Variants in ZCWPW1 observed in about 807,000 individuals in gnomAD.
The protein encoded by ZCWPW1 is zinc finger CW-type PWWP domain protein 1.
Under a neutral mutation model 81.3 loss-of-function variants are expected in ZCWPW1, and 56 were observed. The ratio of observed to expected loss-of-function variants is 0.69; its 90% confidence interval spans 0.56 to 0.86. ZCWPW1 has a LOEUF of 0.86. ZCWPW1 is among the 40% of genes least tolerant of loss of function. ZCWPW1 has a pLI of 0.00. For missense variants in ZCWPW1, 650 were observed against 769.8 expected, an observed-to-expected ratio of 0.84 and a Z score of 1.84; for synonymous variants, 250 against 273.7, an observed-to-expected ratio of 0.91 and a Z score of 0.86.
intron 8 of ZCWPW1, among the ~76,000 whole-genome samples, chr7:100,412,644 C>T (rs1303804052): frequency 6.6e-6 from 1 of 151,802 alleles, no homozygotes; most frequent in Non-Finnish European, 1.5e-5. Context: ...TGCAGTGGCA[C>T]GATCTCCACT....
chr7:100,419,051 C>T, intron 5 of ZCWPW1, 60 bp downstream of exon 5: 1 of 1,375,768 alleles, frequency 7.3e-7, no homozygotes, highest in South Asian at 1.2e-5. Flanking sequence ...ACTTAACTCT[C>T]CCTCTCAGGT....
chr7:100,427,719 C>G (rs952865374), intron 1 of ZCWPW1, among the ~76,000 whole-genome samples: 2 of 151,312 alleles, frequency 1.3e-5, no homozygotes, highest in Non-Finnish European at 2.9e-5. Flanking sequence ...AAAAAAAGCC[C>G]CAATTCCAAA....
At chr7:100,416,620 G>A (rs1795265358) in intron 6 of ZCWPW1, among the ~76,000 whole-genome samples, 164 bp from the exon 7 acceptor site, 1 of 152,128 alleles carries the variant, frequency 6.6e-6, no homozygotes, top group African/African-American at 2.4e-5. Flanking sequence ...AACTCAAACA[G>A]GTATCTTTCC....
intron 9 of ZCWPW1, among the ~76,000 whole-genome samples, 198 bp downstream of exon 9, chr7:100,409,230 C>A (rs1263549778): frequency 1.3e-5 from 2 of 152,146 alleles, no homozygotes; most frequent in Non-Finnish European, 2.9e-5. Context: ...AACAAGATCA[C>A]TTTACAGGGC....
intron 1 of ZCWPW1, 25 bp from the exon 2 acceptor site, chr7:100,425,161 AAT>A (rs1360979151): frequency 2.0e-5 from 3 of 152,240 alleles, no homozygotes; most frequent in African/African-American, 7.2e-5. Flanking sequence ...GAGAGAAAAA[AAT>A]ATAGACAGTT....
intron 12 of ZCWPW1, among the ~76,000 whole-genome samples, chr7:100,406,275 G>A (rs1393841560): frequency 6.6e-6 from 1 of 152,124 alleles, no homozygotes; most frequent in African/African-American, 2.4e-5. Context: ...GGAGGTGGGG[G>A]CTGCTGCTGG....
At chr7:100,401,357 G>A in intron 17 of ZCWPW1, 21 bp from the exon 18 acceptor site, 7 of 1,519,210 alleles carry the variant, frequency 4.6e-6, no homozygotes, top group Non-Finnish European at 4.4e-6. Flanking sequence ...AGGTGACAAA[G>A]CCAAGAGTCC....
At chr7:100,419,072 G>A in intron 5 of ZCWPW1, 39 bp downstream of exon 5, 1 of 1,552,350 alleles carries the variant, frequency 6.4e-7, no homozygotes, top group Non-Finnish European at 8.9e-7. Flanking sequence ...AACAGTCACT[G>A]CTTAACTGAA....
At chr7:100,409,015 A>G (rs1793637636) in intron 9 of ZCWPW1, among the ~76,000 whole-genome samples, 1 of 152,150 alleles carries the variant, frequency 6.6e-6, no homozygotes, top group Non-Finnish European at 1.5e-5. Flanking sequence ...TCTCATCTGT[A>G]AAATAATTGG....
intron 11 of ZCWPW1, 83 bp downstream of exon 11, chr7:100,407,145 G>T (rs1220669396): frequency 3.8e-6 from 5 of 1,302,806 alleles, no homozygotes; most frequent in Non-Finnish European, 5.5e-6. Context: ...CTATGTCCAT[G>T]TCTCTTATCT....
chr7:100,426,192 G>T (rs1381110298), intron 1 of ZCWPW1, among the ~76,000 whole-genome samples: 1 of 152,112 alleles, frequency 6.6e-6, no homozygotes, highest in Non-Finnish European at 1.5e-5. Flanking sequence ...CAAAAAAGCG[G>T]TATTTAAAGA....
intron 9 of ZCWPW1, among the ~76,000 whole-genome samples, chr7:100,408,867 A>G (rs1563134666): frequency 6.7e-6 from 1 of 149,438 alleles, no homozygotes; most frequent in Non-Finnish European, 1.5e-5. Flanking sequence ...AACCAGCTGA[A>G]ATGCAGCTGG....
chr7:100,408,848 TGC>T lies in ZCWPW1; in HGVS notation c.872-191_872-190del, dbSNP rs1249867120. 8.5e-3 allele frequency among the ~76,000 whole-genome samples: 1,297 copies of T among 151,998 alleles called. 15 individuals are homozygous for T. Among genetic ancestry groups the T allele is most frequent in the African/African-American group, 0.029 (1,214 of 41,438 alleles). On this transcript the variant is annotated intron_variant, in intron 9 of 17. Transcript: ENST00000684423. ...GAAATGCAGCTGGAACCAGCTGAAA[TGC>T]AGCTGGAACCAGCTGAAATGCAGCT...
rs533276945 is a variant in ZCWPW1 at position 100,426,332 on chromosome 7, A to G, written c.-136-1196T>C. On this transcript the variant is annotated intron_variant, in intron 1 of 17. Transcript: ENST00000684423. ...AACATGGTGAAGCCCCATCTCTACTAAAATACAAAAATTAGCCAGCGTGGT... is the reference window on the plus strand; with the variant it reads ...AACATGGTGAAGCCCCATCTCTACTGAAATACAAAAATTAGCCAGCGTGGT... 6.6e-5 allele frequency among the ~76,000 whole-genome samples: 10 copies of G among 152,122 alleles called. No individual in the cohort carries two copies. In the South Asian group the frequency reaches 2.1e-3, roughly 32 times the overall value.
At chr7:100,416,966 ATATG>A in intron 6 of ZCWPW1, 96 bp downstream of exon 6, 1 of 967,756 alleles carries the variant, frequency 1.0e-6, no homozygotes. Flanking sequence ...AAAAAAAGAA[ATATG>A]ATAAATGACC....
At position 100,409,379 on chromosome 7, in the gene ZCWPW1, AAGGG is replaced by A. The variant is rs1427937360; in HGVS notation, c.871+45_871+48del. 2.8e-6 allele frequency: 4 copies of A among 1,412,942 alleles called. No individual in the cohort carries two copies. The African/African-American group carries it at 4.2e-5, about 15-fold the overall frequency. 87.5% of individuals were successfully genotyped at this position (1,412,942 alleles called of 1,614,324 possible). A position where few individuals can be genotyped will look rare whatever the true frequency, so the allele number is the denominator to read the frequency against. The stretch of plus-strand genomic sequence containing the variant: ...TCTAAAGGATAAGTGCAGAGAAAGA[AAGGG>A]AGGAACAATAAAACATGAATGAAAA... On this transcript the variant is annotated intron_variant, in intron 9 of 17. Coordinates refer to ENST00000684423, the MANE Select transcript of ZCWPW1 (RefSeq NM_001386010.1).
intron 8 of ZCWPW1, among the ~76,000 whole-genome samples, chr7:100,414,937 A>C (rs958975757): frequency 4.6e-5 from 7 of 151,500 alleles, no homozygotes; most frequent in Non-Finnish European, 8.8e-5. Context: ...AGGCAGGAGA[A>C]TCGCTTGAAC....
rs760537716 is a variant in ZCWPW1, at chr7:100,401,087, A to T, written c.1877T>A (p.Leu626Gln). The part of the protein sequence containing the change: ...EQLMEDVGRE[L>Q]GQSGELQHSN... The stretch of plus-strand genomic sequence containing the variant: ...GTGCTGCAGCTCCCCGCTCTGCCCC[A>T]GCTCTCTCCCAACATCTTCCATGAG... The change falls in exon 18 of 18, where the codon CTG (leucine) becomes CAG (glutamine). Residue 626 changes from leucine (L) to glutamine (Q), a missense_variant. Coordinates refer to ENST00000684423, the MANE Select transcript of ZCWPW1 (RefSeq NM_001386010.1). 13 of 1,614,026 alleles carry T rather than the reference A, an allele frequency of 8.1e-6. No individual in the cohort carries two copies. The highest frequency in any genetic ancestry group is 1.0e-5 in the Non-Finnish European group (12 of 1,180,012).
chr7:100,414,094 G>A (rs759862173), intron 8 of ZCWPW1, among the ~76,000 whole-genome samples: 4 of 152,138 alleles, frequency 2.6e-5, no homozygotes, highest in Non-Finnish European at 5.9e-5. Context: ...CGGGTAGTCT[G>A]AACTCCAGGC....
Sources: allele counts gnomAD v4.1 joint callset (sites outside exome capture counted in the v4.1 genomes callset), GRCh38; gene constraint gnomAD v4.1.1; transcripts MANE v1.5; gene names NCBI Gene and HGNC (gene_info 2026-07-23, HGNC 2026-07-21).